DACH2: variants seen among roughly 807,000 people sequenced by gnomAD.
The protein encoded by DACH2 is dachshund homolog 2.
DACH2 carries 17 observed loss-of-function variants against 35.8 expected under a neutral mutation model. That is an observed-to-expected ratio of 0.48 (90% CI 0.33 to 0.71). The LOEUF (loss-of-function observed/expected upper bound fraction) is 0.71, where lower values mean the gene tolerates loss of function less well. DACH2 is among the 30% of genes least tolerant of loss of function. The pLI, the probability that DACH2 is intolerant of heterozygous loss-of-function variation, is 0.02. For synonymous variants in DACH2, 195 were observed against 177.3 expected, an observed-to-expected ratio of 1.10 and a Z score of -0.79; for missense variants, 469 against 472.7, an observed-to-expected ratio of 0.99 and a Z score of 0.07.
intron 7 of DACH2, among the ~76,000 whole-genome samples, chrX:86,768,098 A>G (rs2041953216): frequency 9.0e-6 from 1 of 111,346 alleles, no homozygotes; most frequent in Non-Finnish European, 1.9e-5. Context: ...GTTTAATAAT[A>G]TATCTCACAG....
intron 1 of DACH2, among the ~76,000 whole-genome samples, chrX:86,338,591 A>T (rs773204362): frequency 8.9e-6 from 1 of 112,197 alleles, no homozygotes; most frequent in Non-Finnish European, 1.9e-5. Flanking sequence ...AATTTATAGC[A>T]TTAAATGCCC....
intron 3 of DACH2, among the ~76,000 whole-genome samples, chrX:86,628,610 C>A (rs1205809742): frequency 8.9e-6 from 1 of 112,530 alleles, no homozygotes; most frequent in Non-Finnish European, 1.9e-5. Flanking sequence ...TTGCTGGATT[C>A]TTTGTCCTTC....
intron 2 of DACH2, among the ~76,000 whole-genome samples, chrX:86,488,446 T>C (rs1184476364): frequency 9.0e-6 from 1 of 111,330 alleles, no homozygotes; most frequent in African/African-American, 3.3e-5. Context: ...TAACATAGCA[T>C]AGTGAGTCAG....
intron 4 of DACH2, among the ~76,000 whole-genome samples, chrX:86,662,312 A>G (rs2040613458): frequency 8.9e-6 from 1 of 111,763 alleles, no homozygotes; most frequent in African/African-American, 3.3e-5. Flanking sequence ...TTTTACTTCA[A>G]AAGGTGGGAG....
At chrX:86,605,745 C>CT (rs1377761201) in intron 3 of DACH2, among the ~76,000 whole-genome samples, 26 of 107,200 alleles carry the variant, frequency 2.4e-4, no homozygotes, top group South Asian at 1.2e-3. Flanking sequence ...TTCTTGGATG[C>CT]TTTTTTTTTC....
intron 1 of DACH2, among the ~76,000 whole-genome samples, chrX:86,305,497 A>G (rs2034667924): frequency 8.9e-6 from 1 of 111,902 alleles, no homozygotes; most frequent in Non-Finnish European, 1.9e-5. Flanking sequence ...CACAGGAGAA[A>G]TGCTTCATGA....
intron 1 of DACH2, among the ~76,000 whole-genome samples, chrX:86,297,604 CAG>C (rs1343861898): frequency 8.9e-6 from 1 of 111,906 alleles, no homozygotes; most frequent in Non-Finnish European, 1.9e-5. Flanking sequence ...ACAGGTGAAT[CAG>C]GGGCTAAGTG....
intron 1 of DACH2, among the ~76,000 whole-genome samples, chrX:86,236,140 A>T (rs1264739117): frequency 1.8e-5 from 2 of 111,567 alleles, no homozygotes; most frequent in Non-Finnish European, 3.8e-5. Flanking sequence ...TCAAAAAAAA[A>T]AATATAGATA....
chrX:86,624,031 G>T, intron 3 of DACH2, among the ~76,000 whole-genome samples: 1 of 69,875 alleles, frequency 1.4e-5, no homozygotes, highest in African/African-American at 5.9e-5. Flanking sequence ...CTGGGCGACA[G>T]AGCGAAACTC....
At chrX:86,204,252 A>T (rs956084955) in intron 1 of DACH2, among the ~76,000 whole-genome samples, 1 of 112,040 alleles carries the variant, frequency 8.9e-6, no homozygotes, top group African/African-American at 3.2e-5. Flanking sequence ...TGTCTGCTAC[A>T]GACTATGTAC....
At chrX:86,755,896 C>T (rs939370823) in intron 7 of DACH2, among the ~76,000 whole-genome samples, 3 of 110,763 alleles carry the variant, frequency 2.7e-5, no homozygotes, top group Admixed American at 1.9e-4. Flanking sequence ...CGTGCTCGGC[C>T]GACCTGATTT....
intron 3 of DACH2, among the ~76,000 whole-genome samples, chrX:86,547,870 AAG>A (rs780760558): frequency 4.5e-5 from 5 of 112,210 alleles, no homozygotes; most frequent in Non-Finnish European, 9.4e-5. Flanking sequence ...TGTATGCAGA[AAG>A]CTGCTGTTCT....
At chrX:86,438,732 G>C (rs142233584) in intron 2 of DACH2, among the ~76,000 whole-genome samples, 50 of 112,126 alleles carry the variant, frequency 4.5e-4, no homozygotes, top group African/African-American at 1.6e-3. Flanking sequence ...GGGATTGCTG[G>C]ATCAAATTGT....
At chrX:86,681,346 C>T (rs2040878851) in intron 4 of DACH2, among the ~76,000 whole-genome samples, 1 of 110,969 alleles carries the variant, frequency 9.0e-6, no homozygotes, top group Non-Finnish European at 1.9e-5. Flanking sequence ...CTCATGCCTG[C>T]ACTTTATGAG....
intron 7 of DACH2, among the ~76,000 whole-genome samples, chrX:86,766,047 A>G (rs1602919531): frequency 1.8e-5 from 2 of 108,527 alleles, no homozygotes; most frequent in Admixed American, 2.0e-4. Context: ...TTTCCCCCTT[A>G]TTTTCTGACT....
chrX:86,530,303 A>G (rs2038699810), intron 3 of DACH2, among the ~76,000 whole-genome samples: 1 of 111,817 alleles, frequency 8.9e-6, no homozygotes, highest in Admixed American at 9.5e-5. Context: ...GTTTGTCCCA[A>G]TCATAGTTTA....
intron 2 of DACH2, among the ~76,000 whole-genome samples, chrX:86,498,295 A>T (rs2038201184): frequency 8.9e-6 from 1 of 112,132 alleles, no homozygotes; most frequent in Admixed American, 9.5e-5. Context: ...TAATTCTTTA[A>T]TACAAACCCA....
intron 11 of DACH2, 105 bp from the exon 12 acceptor site, chrX:86,832,001 T>A (rs749672494): frequency 1.1e-3 from 554 of 505,290 alleles, no homozygotes; most frequent in Non-Finnish European, 1.6e-3. Flanking sequence ...ATTGAGCCTG[T>A]TACATCAGAT....
chrX:86,348,413 C>T (rs1456701769), intron 1 of DACH2, among the ~76,000 whole-genome samples: 2 of 111,671 alleles, frequency 1.8e-5, no homozygotes, highest in Non-Finnish European at 3.8e-5. Flanking sequence ...ACAATTTACC[C>T]TTTGTTTCCA....
Sources: allele counts gnomAD v4.1 joint callset (sites outside exome capture counted in the v4.1 genomes callset), GRCh38; gene constraint gnomAD v4.1.1; transcripts MANE v1.5; gene names NCBI Gene and HGNC (gene_info 2026-07-23, HGNC 2026-07-21).